The following HMCN1 variants were observed in gnomAD, a reference collection of about 807,000 sequenced individuals.
HMCN1 encodes the protein hemicentin 1, also known as hemicentin-1.
In HMCN1, 321 loss-of-function variants were observed where a neutral mutation model predicts 625.9. That is an observed-to-expected ratio of 0.51 (90% CI 0.47 to 0.56). The LOEUF (loss-of-function observed/expected upper bound fraction) is 0.56, where lower values mean the gene tolerates loss of function less well. Among genes scored for constraint, HMCN1 ranks in the 20% least tolerant of loss-of-function variants. The pLI is 0.00. For missense variants in HMCN1, 6,588 were observed against 6,887.3 expected, an observed-to-expected ratio of 0.96 and a Z score of 1.54; for synonymous variants, 2,425 against 2,417.6, an observed-to-expected ratio of 1.00 and a Z score of -0.09.
chr1:186,109,128 A>G (rs1484593472), intron 71 of HMCN1, among the ~76,000 whole-genome samples: 2 of 152,216 alleles, frequency 1.3e-5, no homozygotes, highest in African/African-American at 4.8e-5. Flanking sequence ...GTCAAAGGCC[A>G]GGATCCTCAG....
chr1:185,997,998 T>C (rs1652926921), intron 25 of HMCN1, among the ~76,000 whole-genome samples: 1 of 152,116 alleles, frequency 6.6e-6, no homozygotes, highest in Non-Finnish European at 1.5e-5. Context: ...TTGTAAATTG[T>C]CACTTGGAGG....
At chr1:185,747,616 G>A (rs778969826) in intron 1 of HMCN1, among the ~76,000 whole-genome samples, 2 of 152,008 alleles carry the variant, frequency 1.3e-5, no homozygotes, top group African/African-American at 4.8e-5. Flanking sequence ...CACCGCACCC[G>A]GCCCTGTTAC....
chr1:185,833,227 T>C (rs959874725), intron 1 of HMCN1, among the ~76,000 whole-genome samples: 1 of 152,212 alleles, frequency 6.6e-6, no homozygotes, highest in Non-Finnish European at 1.5e-5. Flanking sequence ...CTATTCCAGG[T>C]TGTTCTCTTC....
intron 25 of HMCN1, among the ~76,000 whole-genome samples, chr1:185,998,168 A>G (rs1652935433): frequency 6.6e-6 from 1 of 152,070 alleles, no homozygotes; most frequent in Non-Finnish European, 1.5e-5. Context: ...CTCTCTTTCA[A>G]GTGTGTATTC....
At chr1:185,800,998 A>G (rs1335266966) in intron 1 of HMCN1, among the ~76,000 whole-genome samples, 2 of 152,222 alleles carry the variant, frequency 1.3e-5, no homozygotes, top group African/African-American at 4.8e-5. Flanking sequence ...TACAAAGCAA[A>G]AGATGAGATG....
intron 25 of HMCN1, among the ~76,000 whole-genome samples, chr1:185,999,123 T>A (rs1653003686): frequency 6.7e-6 from 1 of 148,360 alleles, no homozygotes; most frequent in Non-Finnish European, 1.5e-5. Flanking sequence ...ATTTCTGCTA[T>A]TCTTTTATAT....
chr1:185,987,287 A>T, intron 19 of HMCN1, 145 bp from the exon 20 acceptor site: 1 of 690,764 alleles, frequency 1.4e-6, no homozygotes, highest in Non-Finnish European at 2.7e-6. Context: ...CTTTACAGAG[A>T]TTATCCTACA....
chr1:186,093,230 A>C lies in HMCN1; in HGVS notation c.9984A>C (p.Glu3328Asp), dbSNP rs2102416902. 1 of 1,613,424 alleles carries C rather than the reference A, an allele frequency of 6.2e-7. No homozygotes were observed. Among genetic ancestry groups the C allele is most frequent in the East Asian group, 2.2e-5 (1 of 44,850 alleles). ...TCVATNPAGEEDRIFNLNVYV... is the reference protein window; with the variant it reads ...TCVATNPAGEDDRIFNLNVYV... ...TTGCTACTAATCCCGCTGGAGAAGA[A>C]GACCGAATTTTTAACTTGAATGTCT... Residue 3328 changes from glutamate to aspartate, a missense_variant, in exon 65 of 107, where the codon GAA becomes GAC. By Grantham distance (45) the Glu-to-Asp change is conservative. Transcript: ENST00000271588.
chr1:185,925,045 AG>A lies in HMCN1; in HGVS notation c.1286-1del. 2 of 1,607,098 alleles carry A rather than the reference AG, an allele frequency of 1.2e-6. No individual in the cohort carries two copies. The highest frequency in any genetic ancestry group is 8.5e-7 in the Non-Finnish European group (1 of 1,175,986). ...TGTTTTTGTTTTTGTTTTTTTTCCT[AG>A]ATGCTCCCAAAGTTACGATGCCTGA... On this transcript the variant is annotated splice_acceptor_variant, in intron 8 of 106. Transcript: ENST00000271588. LOFTEE classifies it high-confidence loss of function.
intron 4 of HMCN1, among the ~76,000 whole-genome samples, chr1:185,908,194 C>A (rs1248248179): frequency 6.6e-6 from 1 of 151,228 alleles, no homozygotes; most frequent in Admixed American, 6.6e-5. Flanking sequence ...GATAATAAGT[C>A]TTAGATGCTT....
intron 1 of HMCN1, among the ~76,000 whole-genome samples, chr1:185,797,683 T>TAGATTTCTTTTGTG (rs1553241679): frequency 1.1e-4 from 17 of 147,846 alleles, no homozygotes; most frequent in African/African-American, 4.0e-4. Flanking sequence ...AAGACTTGTT[T>TAGATTTCTTTTGTG]TGGCCGGGCG....
intron 1 of HMCN1, among the ~76,000 whole-genome samples, chr1:185,801,860 G>A (rs1274905878): frequency 6.6e-6 from 1 of 152,178 alleles, no homozygotes; most frequent in Non-Finnish European, 1.5e-5. Flanking sequence ...CCATGCTTAG[G>A]AGTTTCAGTT....
chr1:186,050,842 CAAT>C (rs1656904274), intron 42 of HMCN1, among the ~76,000 whole-genome samples: 2 of 152,058 alleles, frequency 1.3e-5, no homozygotes, highest in South Asian at 4.1e-4. Flanking sequence ...GTGAGAAAGA[CAAT>C]GATGTTGTTC....
chr1:186,116,008 C>T (rs1553299247), intron 75 of HMCN1, among the ~76,000 whole-genome samples: 2 of 152,092 alleles, frequency 1.3e-5, no homozygotes, highest in Admixed American at 6.5e-5. Context: ...CAGATTATTA[C>T]TCTGTCAAAC....
At chr1:185,837,327 A>T (rs1406455669) in intron 1 of HMCN1, among the ~76,000 whole-genome samples, 1 of 151,956 alleles carries the variant, frequency 6.6e-6, no homozygotes, top group Non-Finnish European at 1.5e-5. Context: ...AGTATACTTC[A>T]AATTTGCTGA....
chr1:186,157,906 T>G (rs563853188), intron 97 of HMCN1, among the ~76,000 whole-genome samples: 9,507 of 152,070 alleles, frequency 0.063, 722 homozygotes, highest in African/African-American at 0.19. Context: ...AACATACGTG[T>G]GCATGTGTCT....
chr1:185,891,707 A>T (rs560027808), intron 4 of HMCN1, among the ~76,000 whole-genome samples: 10 of 147,934 alleles, frequency 6.8e-5, no homozygotes, highest in South Asian at 4.2e-4. Flanking sequence ...CTTCCCTTTG[A>T]GGGTAACCCG....
rs112526907 is a variant in HMCN1, at chr1:186,152,794, G to A, written c.14941G>A (p.Asp4981Asn). ...TCATATTGCCCGGGGCTTGGATTCC[G>A]ATGGTTCTTTGCTGCTAGATATCGT... The part of the protein sequence containing the change: ...MSHIARGLDS[D>N]GSLLLDIVVS... The change falls in exon 96 of 107, where the codon GAT becomes AAT. Residue 4981 changes from aspartate to asparagine, a missense_variant. By Grantham distance (23) the Asp-to-Asn change is conservative. Coordinates refer to ENST00000271588, the MANE Select transcript of HMCN1 (RefSeq NM_031935.3). The A allele has an allele frequency of 1.2e-4, 188 of 1,614,010 alleles. No individual in the cohort carries two copies. The highest frequency in any genetic ancestry group is 4.0e-4 in the Admixed American group (24 of 60,022).
intron 55 of HMCN1, among the ~76,000 whole-genome samples, chr1:186,080,750 A>T (rs912366859): frequency 2.0e-5 from 3 of 152,166 alleles, no homozygotes; most frequent in Non-Finnish European, 4.4e-5. Flanking sequence ...CACCCAGGCA[A>T]TTCCTTTCCA....
Sources: gnomAD v4.1 joint callset for allele counts (sites outside exome capture counted in the v4.1 genomes callset) on GRCh38, gnomAD v4.1.1 for gene constraint, MANE v1.5 for transcripts, NCBI Gene and HGNC (gene_info 2026-07-23, HGNC 2026-07-21) for gene names.